Variants in ST3GAL1 observed in about 807,000 individuals in gnomAD.
ST3GAL1 encodes CMP-N-acetylneuraminate-beta-galactosamide-alpha-2,3-sialyltransferase 1.
A neutral mutation model predicts 34.1 loss-of-function variants in ST3GAL1; 16 were observed. That is an observed-to-expected ratio of 0.47 (90% CI 0.32 to 0.71). The LOEUF (loss-of-function observed/expected upper bound fraction) is 0.71, where lower values mean the gene tolerates loss of function less well. Ranked by LOEUF, ST3GAL1 falls within the 30% of genes least tolerant of loss-of-function variation. The pLI is 0.04. For missense variants in ST3GAL1, 353 were observed against 447.4 expected (o/e 0.79, Z 1.90); for synonymous variants, 191 against 184.7 (o/e 1.03, Z -0.28).
intron 3 of ST3GAL1, among the ~76,000 whole-genome samples, chr8:133,478,392 C>G (rs1419739075): frequency 1.3e-5 from 2 of 152,164 alleles, no homozygotes; most frequent in African/African-American, 4.8e-5. Context: ...TGTGGAACAT[C>G]CTGCTGGCTA....
Position 133,464,152 on chromosome 8 carries a change from C to T in ST3GAL1, c.683+626G>A, listed in dbSNP as rs538037190. Reference sequence around the variant, plus strand: ...TCAGATGACAGCACAGGCTCTGTGTCGAGTTCAACCCTAGGCAAGGTGCTT... The same window carrying T: ...TCAGATGACAGCACAGGCTCTGTGTTGAGTTCAACCCTAGGCAAGGTGCTT... On this transcript the variant is annotated intron_variant, in intron 7 of 9. Coordinates refer to ENST00000522652, the MANE Select transcript of ST3GAL1 (RefSeq NM_173344.3). Among the ~76,000 whole-genome samples the T allele has an allele frequency of 1.6e-3, 248 of 152,310 alleles. 1 individual carries two copies. The highest frequency in any genetic ancestry group is 5.6e-3 in the African/African-American group (234 of 41,566).
At chr8:133,484,408 G>A (rs1173986190) in intron 3 of ST3GAL1, among the ~76,000 whole-genome samples, 1 of 152,210 alleles carries the variant, frequency 6.6e-6, no homozygotes, top group Non-Finnish European at 1.5e-5. Context: ...AGGGAGGGCA[G>A]GCACCTGGAT....
intron 2 of ST3GAL1, among the ~76,000 whole-genome samples, chr8:133,539,470 A>G (rs562404657): frequency 6.6e-6 from 1 of 152,326 alleles, no homozygotes; most frequent in African/African-American, 2.4e-5. Context: ...CTTGCATTTT[A>G]TTTCAAAGTC....
chr8:133,495,151 C>T (rs970190814), intron 3 of ST3GAL1, among the ~76,000 whole-genome samples: 2 of 152,074 alleles, frequency 1.3e-5, no homozygotes, highest in South Asian at 4.2e-4. Flanking sequence ...ATCTCCTGAC[C>T]TGGTGATCCG....
intron 5 of ST3GAL1, among the ~76,000 whole-genome samples, chr8:133,468,690 G>T (rs1815836197): frequency 6.6e-6 from 1 of 152,168 alleles, no homozygotes; most frequent in Non-Finnish European, 1.5e-5. Context: ...TGATTCTGAT[G>T]GGATCATCCA....
In ST3GAL1 at chr8:133,556,029, G is replaced by A. The variant is rs1819008461; in HGVS notation, c.-581-10103C>T. 6.6e-6 allele frequency among the ~76,000 whole-genome samples: 1 copy of A among 152,140 alleles called. No homozygotes were observed. Among genetic ancestry groups the A allele is most frequent in the African/African-American group, 2.4e-5 (1 of 41,424 alleles). The stretch of plus-strand genomic sequence containing the variant: ...GTGCCTCAGCCTCCCGCGTAGCTGG[G>A]ATTACAGGCACCTGCCACCACGCCT... On this transcript the variant is annotated intron_variant, in intron 1 of 9. Coordinates refer to ENST00000522652, the MANE Select transcript of ST3GAL1 (RefSeq NM_173344.3). This position sits in a 1 kb window ranked among gnomAD's most constrained non-coding sequence, Gnocchi z 8.9.
chr8:133,469,865 AG>A lies in ST3GAL1; in HGVS notation c.307-3776del, dbSNP rs1194642827. Among the ~76,000 whole-genome samples the A allele has an allele frequency of 1.3e-5, 2 of 152,344 alleles. No individual in the cohort carries two copies. The highest frequency in any genetic ancestry group is 3.9e-4 in the East Asian group (2 of 5,190). On this transcript the variant is annotated intron_variant, in intron 5 of 9. Coordinates refer to ENST00000522652, the MANE Select transcript of ST3GAL1 (RefSeq NM_173344.3). This position sits in a 1 kb window ranked among gnomAD's most constrained non-coding sequence, Gnocchi z 4.3. ...CCTAACATCACAAGCCCCACGCTTCAGAAATCTCAGACCCATTCCAATCTTT... is the reference window on the plus strand; with the variant it reads ...CCTAACATCACAAGCCCCACGCTTCAAAATCTCAGACCCATTCCAATCTTT...
At chr8:133,521,138 G>T (rs376889368) in intron 2 of ST3GAL1, among the ~76,000 whole-genome samples, 6 of 11,192 alleles carry the variant, frequency 5.4e-4, no homozygotes, top group East Asian at 1.9e-3. Context: ...TTTGTGGGTT[G>T]TTTTTTTTTT....
intron 6 of ST3GAL1, 142 bp from the exon 7 acceptor site, chr8:133,465,099 A>G (rs1352115696): frequency 2.6e-6 from 2 of 754,928 alleles, no homozygotes; most frequent in African/African-American, 3.6e-5. Flanking sequence ...CTCATCTGTA[A>G]AATAGAGACA....
chr8:133,515,916 T>C (rs1014278109), intron 2 of ST3GAL1, among the ~76,000 whole-genome samples: 1 of 152,102 alleles, frequency 6.6e-6, no homozygotes, highest in Non-Finnish European at 1.5e-5. Flanking sequence ...AGTGCAGTGG[T>C]GCGATCTCGG....
chr8:133,527,772 C>A (rs1278121608), intron 2 of ST3GAL1, among the ~76,000 whole-genome samples: 1 of 152,166 alleles, frequency 6.6e-6, no homozygotes, highest in Non-Finnish European at 1.5e-5. Flanking sequence ...TCCCAGACTG[C>A]AAGGTCTCCA....
At chr8:133,529,989 T>C (rs1818100376) in intron 2 of ST3GAL1, among the ~76,000 whole-genome samples, 1 of 152,198 alleles carries the variant, frequency 6.6e-6, no homozygotes, top group African/African-American at 2.4e-5. Flanking sequence ...TTTGTTAACT[T>C]TGTTATTTAT....
At chr8:133,555,167 A>G (rs1475493682) in intron 1 of ST3GAL1, among the ~76,000 whole-genome samples, 2 of 151,908 alleles carry the variant, frequency 1.3e-5, no homozygotes, top group Non-Finnish European at 2.9e-5. Context: ...AATTGAACTG[A>G]GCTTCACTCC....
At chr8:133,475,090 CTG>C (rs1816117756) in intron 5 of ST3GAL1, among the ~76,000 whole-genome samples, 1 of 152,210 alleles carries the variant, frequency 6.6e-6, no homozygotes, top group African/African-American at 2.4e-5. Context: ...TGAGATCATC[CTG>C]GATTAGGGTG....
In ST3GAL1 at chr8:133,462,031, T is replaced by C. The variant is rs931994612; in HGVS notation, c.730-37A>G. 9.3e-6 allele frequency: 15 copies of C among 1,613,292 alleles called. 1 individual carries two copies. The Middle Eastern group carries it at 2.5e-3, about 266-fold the overall frequency. On this transcript the variant is annotated intron_variant, in intron 8 of 9. Coordinates refer to ENST00000522652, the MANE Select transcript of ST3GAL1 (RefSeq NM_173344.3). Reference sequence around the variant, plus strand: ...GGAAGACACGGCCCTTAGTGAGTTCTGGGGGGCAAAGGACATGGAGCGCCT... The same window carrying C: ...GGAAGACACGGCCCTTAGTGAGTTCCGGGGGGCAAAGGACATGGAGCGCCT...
chr8:133,483,597 A>G (rs150253275), intron 3 of ST3GAL1, among the ~76,000 whole-genome samples: 10 of 152,358 alleles, frequency 6.6e-5, no homozygotes, highest in Admixed American at 2.6e-4. Flanking sequence ...AACCAGTGGT[A>G]TTACACAAAT....
At position 133,490,601 on chromosome 8, in the gene ST3GAL1, C is replaced by T. The variant is rs541776171; in HGVS notation, c.-374+8534G>A. On this transcript the variant is annotated intron_variant, in intron 3 of 9. Coordinates refer to ENST00000522652, the MANE Select transcript of ST3GAL1 (RefSeq NM_173344.3). ...GGGGCATAGCACTGATGGAGGAGGG[C>T]AGAGGGGGAGGGTAAACCAGGCCTG... Among the ~76,000 whole-genome samples the T allele has an allele frequency of 3.0e-3, 453 of 152,214 alleles. 2 individuals are homozygous for T. The highest frequency in any genetic ancestry group is 4.8e-3 in the South Asian group (23 of 4,814).
Position 133,464,911 on chromosome 8 carries a change from T to C in ST3GAL1, c.550A>G (p.Lys184Glu), listed in dbSNP as rs1395119688. The C allele has an allele frequency of 6.2e-7, 1 of 1,613,894 alleles. No individual in the cohort carries two copies. The highest frequency in any genetic ancestry group is 1.3e-5 in the African/African-American group (1 of 74,894). Reference protein sequence around the residue: ...TAGFEADVGTKTTHHLVYPES... With the variant: ...TAGFEADVGTETTHHLVYPES... ...GGGTACACCAGATGGTGGGTGGTCT[T>C]GGTCCCAACATCAGCTTCAAACCCT... Residue 184 changes from lysine to glutamate, a missense_variant, in exon 7 of 10, where the codon AAG (lysine) becomes GAG (glutamate). Transcript: ENST00000522652.
chr8:133,565,402 T>C (rs912860694), intron 1 of ST3GAL1, among the ~76,000 whole-genome samples: 2 of 152,126 alleles, frequency 1.3e-5, no homozygotes, highest in African/African-American at 4.8e-5. Context: ...GGTCTCTCTC[T>C]TCCAGAGGCT....
Sources: gnomAD v4.1 joint callset for allele counts (sites outside exome capture counted in the v4.1 genomes callset) on GRCh38, gnomAD v4.1.1 for gene constraint, Gnocchi (gnomAD v3.1) non-coding constraint, MANE v1.5 for transcripts, NCBI Gene and HGNC (gene_info 2026-07-23, HGNC 2026-07-21) for gene names.